TRAPPC6B: variants seen among roughly 807,000 people sequenced by gnomAD.
The protein encoded by TRAPPC6B is trafficking protein particle complex subunit 6B, also known as TRAPP complex subunit 6B.
Under a neutral mutation model 24.7 loss-of-function variants are expected in TRAPPC6B, and 27 were observed. The observed-to-expected ratio is 1.09, with a 90% CI of 0.81 to 1.51. The LOEUF is 1.51. Among genes scored for constraint, TRAPPC6B ranks in the 40% most tolerant of loss-of-function variants. The probability of loss-of-function intolerance (pLI) is 0.00; values close to 1 mark genes in which losing one functional copy is unlikely to be tolerated. For missense variants in TRAPPC6B, 212 were observed against 190.8 expected (o/e 1.11, Z -0.66); for synonymous variants, 80 against 66.6 (o/e 1.20, Z -0.98).
chr14:39,148,467 G>A lies in TRAPPC6B; in HGVS notation c.*1883C>T, dbSNP rs547166327. 2.6e-6 allele frequency: 1 copy of A among 388,752 alleles called. No homozygotes were observed. Among genetic ancestry groups the A allele is most frequent in the East Asian group, 3.6e-5 (1 of 27,558 alleles). The allele number at this position is 388,752 out of a possible 1,614,324, so 24.1% of individuals were successfully genotyped here. A position where few individuals can be genotyped will look rare whatever the true frequency, so the allele number is the denominator to read the frequency against. On this transcript the variant is annotated 3_prime_UTR_variant, in exon 6 of 6. Transcript: ENST00000330149. ...GCCAAAAAAAAAGAAAAAAAAAATG[G>A]GGCTTTGTCAGCAAGGAAGGGAGAA...
chr14:39,158,392 CT>C lies in TRAPPC6B; in HGVS notation c.159del (p.Asp54IlefsTer9). ...AACTCATCCTTGAACCTTGCAGTATCTTTTGTAAACCTAAAAAGATCAACTA... is the reference window on the plus strand; with the variant it reads ...AACTCATCCTTGAACCTTGCAGTATCTTTGTAAACCTAAAAAGATCAACTA... The part of the protein sequence containing the change: ...VGQGLIERFT[K>X]DTARFKDELD... On this transcript the variant is annotated frameshift_variant, in exon 3 of 6. Transcript: ENST00000330149. LOFTEE classifies it high-confidence loss of function. The C allele has an allele frequency of 6.3e-7, 1 of 1,576,444 alleles. No homozygotes were observed. The highest frequency in any genetic ancestry group is 8.6e-7 in the Non-Finnish European group (1 of 1,163,310).
chr14:39,158,374 C>T lies in TRAPPC6B; in HGVS notation c.178G>A (p.Asp60Asn). Residue 60 changes from aspartate (D) to asparagine (N), a missense_variant, in exon 3 of 6, where the codon GAT becomes AAT. Coordinates refer to ENST00000330149, the MANE Select transcript of TRAPPC6B (RefSeq NM_001079537.2). Reference sequence around the variant, plus strand: ...ATGAACTTCATGATATCTAACTCATCCTTGAACCTTGCAGTATCTTTTGTA... The same window carrying T: ...ATGAACTTCATGATATCTAACTCATTCTTGAACCTTGCAGTATCTTTTGTA... ...RFTKDTARFK[D>N]ELDIMKFICK... 1 of 1,599,078 alleles carries T rather than the reference C, an allele frequency of 6.3e-7. No individual in the cohort carries two copies. Among genetic ancestry groups the T allele is most frequent in the Non-Finnish European group, 8.5e-7 (1 of 1,175,550 alleles).
chr14:39,157,005 G>A (rs1245509988), intron 3 of TRAPPC6B, among the ~76,000 whole-genome samples: 1 of 151,878 alleles, frequency 6.6e-6, no homozygotes, highest in East Asian at 1.9e-4. Flanking sequence ...AGCTACCTGG[G>A]AGCCTGAGGC....
intron 1 of TRAPPC6B, among the ~76,000 whole-genome samples, chr14:39,169,405 G>GA: frequency 6.6e-6 from 1 of 152,242 alleles, no homozygotes. Context: ...TCTCTACAAG[G>GA]ATGGGGCCAT....
intron 1 of TRAPPC6B, among the ~76,000 whole-genome samples, chr14:39,161,367 C>T (rs1189356564): frequency 2.0e-5 from 3 of 152,132 alleles, no homozygotes; most frequent in Non-Finnish European, 4.4e-5. Flanking sequence ...CAGAAACATG[C>T]GTCATGAGAA....
intron 1 of TRAPPC6B, among the ~76,000 whole-genome samples, chr14:39,167,393 A>C (rs1217118487): frequency 2.6e-5 from 4 of 151,880 alleles, no homozygotes; most frequent in Non-Finnish European, 5.9e-5. Context: ...TCATTTAAAA[A>C]AACTTTCCAT....
intron 5 of TRAPPC6B, 26 bp downstream of exon 5, chr14:39,151,720 T>C (rs768428645): frequency 2.7e-6 from 4 of 1,507,372 alleles, no homozygotes; most frequent in Non-Finnish European, 3.6e-6. Flanking sequence ...ACTAAAACAT[T>C]TGTAAGAAAG....
chr14:39,164,648 G>T (rs2139388361), intron 1 of TRAPPC6B, among the ~76,000 whole-genome samples: 1 of 152,146 alleles, frequency 6.6e-6, no homozygotes, highest in Admixed American at 6.5e-5. Flanking sequence ...GGCAGCCTGG[G>T]CAACATAGTG....
At chr14:39,153,362 T>C (rs1053527672) in intron 4 of TRAPPC6B, among the ~76,000 whole-genome samples, 10 of 151,904 alleles carry the variant, frequency 6.6e-5, no homozygotes, top group Admixed American at 3.3e-4. Flanking sequence ...ATGCAGTGGC[T>C]CACACCTGTA....
intron 3 of TRAPPC6B, among the ~76,000 whole-genome samples, chr14:39,154,670 T>C (rs1000524105): frequency 2.0e-5 from 3 of 152,100 alleles, no homozygotes; most frequent in Admixed American, 6.6e-5. Context: ...TCTGCCCACC[T>C]TGACCTCCCG....
In TRAPPC6B at chr14:39,150,168, G is replaced by C. The variant is rs1233629335; in HGVS notation, c.*182C>G. On this transcript the variant is annotated 3_prime_UTR_variant, in exon 6 of 6. Transcript: ENST00000330149. ...TCCGGTTTTCATTTTGAATAGTTTT[G>C]GTTAAGTGTATGTCATGGCAGAATG... 9.6e-6 allele frequency: 5 copies of C among 523,368 alleles called. No homozygotes were observed. The highest frequency in any genetic ancestry group is 1.6e-5 in the Non-Finnish European group (5 of 306,014). The allele number at this position is 523,368 out of a possible 1,614,324, so 32.4% of individuals were successfully genotyped here. A position where few individuals can be genotyped will look rare whatever the true frequency, so the allele number is the denominator to read the frequency against.
intron 4 of TRAPPC6B, among the ~76,000 whole-genome samples, chr14:39,152,676 C>T (rs775208175): frequency 3.3e-5 from 5 of 152,106 alleles, no homozygotes; most frequent in Non-Finnish European, 5.9e-5. Context: ...AGTTCTTAAT[C>T]GGGGAATTTG....
intron 1 of TRAPPC6B, among the ~76,000 whole-genome samples, chr14:39,167,762 A>C (rs1463101766): frequency 6.6e-6 from 1 of 152,214 alleles, no homozygotes; most frequent in African/African-American, 2.4e-5. Flanking sequence ...TTTTAGCTTA[A>C]ATGATTCAAA....
intron 5 of TRAPPC6B, 29 bp downstream of exon 5, chr14:39,151,717 C>T (rs1326945084): frequency 2.1e-6 from 3 of 1,461,734 alleles, no homozygotes; most frequent in Non-Finnish European, 2.8e-6. Context: ...ATTACTAAAA[C>T]ATTTGTAAGA....
intron 1 of TRAPPC6B, among the ~76,000 whole-genome samples, chr14:39,169,558 T>C (rs1229021773): frequency 6.6e-6 from 1 of 152,154 alleles, no homozygotes; most frequent in Non-Finnish European, 1.5e-5. Context: ...AAACTCAACC[T>C]TCATTAGGCT....
chr14:39,154,116 A>G, intron 4 of TRAPPC6B, 95 bp downstream of exon 4: 2 of 753,334 alleles, frequency 2.7e-6, no homozygotes, highest in Non-Finnish European at 4.4e-6. Context: ...ACCTTAAAAC[A>G]TATTTTTAAT....
At chr14:39,154,365 G>T in intron 3 of TRAPPC6B, 71 bp from the exon 4 acceptor site, 1 of 949,074 alleles carries the variant, frequency 1.1e-6, no homozygotes, top group Non-Finnish European at 1.6e-6. Flanking sequence ...TTATTCTTAT[G>T]AAACAATTTA....
chr14:39,165,326 G>A (rs924865117), intron 1 of TRAPPC6B, among the ~76,000 whole-genome samples: 2 of 152,164 alleles, frequency 1.3e-5, no homozygotes, highest in Non-Finnish European at 1.5e-5. Context: ...TTACAAGCGT[G>A]AGCCACCGCG....
Position 39,148,571 on chromosome 14 carries a change from TCA to T in TRAPPC6B, c.*1777_*1778del. ...CCCAGCTTTTTCACACACACAATTC[TCA>T]CACCTGTTTTATTTTGAAGTTCTCT... On this transcript the variant is annotated 3_prime_UTR_variant, in exon 6 of 6. Coordinates refer to ENST00000330149, the MANE Select transcript of TRAPPC6B (RefSeq NM_001079537.2). The T allele has an allele frequency of 2.5e-6, 1 of 398,204 alleles. No individual in the cohort carries two copies. Among genetic ancestry groups the T allele is most frequent in the East Asian group, 3.6e-5 (1 of 27,996 alleles). 24.7% of individuals were successfully genotyped at this position (398,204 alleles called of 1,614,324 possible). A position where few individuals can be genotyped will look rare whatever the true frequency, so the allele number is the denominator to read the frequency against.
Sources: gnomAD v4.1 joint callset for allele counts (sites outside exome capture counted in the v4.1 genomes callset) on GRCh38, gnomAD v4.1.1 for gene constraint, MANE v1.5 for transcripts, NCBI Gene and HGNC (gene_info 2026-07-23, HGNC 2026-07-21) for gene names.